Variants in NTRK3 observed in about 807,000 individuals in gnomAD.
The protein encoded by NTRK3 is neurotrophic receptor tyrosine kinase 3.
Under a neutral mutation model 91.7 loss-of-function variants are expected in NTRK3, and 24 were observed. That is an observed-to-expected ratio of 0.26 (90% CI 0.19 to 0.37). NTRK3 has a LOEUF of 0.37. NTRK3 is among the 10% of genes least tolerant of loss of function. The pLI, the probability that NTRK3 is intolerant of heterozygous loss-of-function variation, is 1.00. For missense variants in NTRK3, 880 were observed against 1,068.9 expected (o/e 0.82, Z 2.46); for synonymous variants, 483 against 404.0 (o/e 1.20, Z -2.34).
chr15:88,057,848 G>C (rs564472709), intron 13 of NTRK3, among the ~76,000 whole-genome samples: 1 of 152,364 alleles, frequency 6.6e-6, no homozygotes, highest in East Asian at 1.9e-4. Context: ...TTCTGAGGGA[G>C]GCGGATTGCC....
chr15:87,961,693 G>T (rs541467047), intron 14 of NTRK3, among the ~76,000 whole-genome samples: 1 of 152,226 alleles, frequency 6.6e-6, no homozygotes, highest in Admixed American at 6.5e-5. Flanking sequence ...CTGAGCTGCA[G>T]CAGGTCCTGC....
chr15:88,081,617 G>A (rs1402153879), intron 13 of NTRK3, among the ~76,000 whole-genome samples: 1 of 152,222 alleles, frequency 6.6e-6, no homozygotes, highest in Non-Finnish European at 1.5e-5. Flanking sequence ...GAAAGGGTAG[G>A]AGGCAAGGGC....
At chr15:87,895,217 CAG>C (rs1461035048) in intron 17 of NTRK3, among the ~76,000 whole-genome samples, 2 of 152,158 alleles carry the variant, frequency 1.3e-5, no homozygotes, top group Non-Finnish European at 2.9e-5. Context: ...GTAAATGAAA[CAG>C]AACTGAAGTC....
chr15:88,071,079 C>G (rs765461419), intron 13 of NTRK3, among the ~76,000 whole-genome samples: 2 of 152,314 alleles, frequency 1.3e-5, no homozygotes, highest in East Asian at 3.9e-4. Flanking sequence ...TTCTTCATGT[C>G]CTAACTCATC....
chr15:88,172,006 CCT>C (rs1193890683), intron 5 of NTRK3, among the ~76,000 whole-genome samples: 1 of 152,196 alleles, frequency 6.6e-6, no homozygotes, highest in Non-Finnish European at 1.5e-5. Flanking sequence ...CTTGGGAGAC[CCT>C]GTCTGCAGTT....
At chr15:87,862,154 C>T in exon 19 of NTRK3, 1 of 219,800 alleles carries the variant, frequency 4.5e-6, no homozygotes, top group Non-Finnish European at 9.1e-6. Context: ...TCTAGAGAAT[C>T]TTGTGCCATG....
intron 5 of NTRK3, among the ~76,000 whole-genome samples, chr15:88,182,922 G>T (rs2046616457): frequency 6.6e-6 from 1 of 152,076 alleles, no homozygotes; most frequent in South Asian, 2.1e-4. Flanking sequence ...CATTACACAG[G>T]TGTTTCCACT....
At chr15:88,143,537 T>C (rs1216574920) in intron 6 of NTRK3, among the ~76,000 whole-genome samples, 1 of 152,232 alleles carries the variant, frequency 6.6e-6, no homozygotes. Flanking sequence ...AGCTAATAAC[T>C]TAACTCTCTA....
chr15:88,114,310 C>T (rs1235263307), intron 13 of NTRK3, among the ~76,000 whole-genome samples: 2 of 152,110 alleles, frequency 1.3e-5, no homozygotes, highest in African/African-American at 4.8e-5. Context: ...TAAAAAAATC[C>T]CAAATCCCAC....
chr15:88,034,415 C>T (rs1303082426), intron 13 of NTRK3, among the ~76,000 whole-genome samples: 1 of 152,208 alleles, frequency 6.6e-6, no homozygotes, highest in Non-Finnish European at 1.5e-5. Flanking sequence ...ATTAACGCTG[C>T]AGTCTTGGTA....
chr15:88,226,134 C>G (rs2050654981), intron 3 of NTRK3, among the ~76,000 whole-genome samples: 1 of 152,198 alleles, frequency 6.6e-6, no homozygotes, highest in Admixed American at 6.5e-5. Flanking sequence ...CCTCAGTTTC[C>G]TCATCTGTAG....
chr15:88,140,796 C>T (rs1156922655), intron 6 of NTRK3, among the ~76,000 whole-genome samples: 3 of 152,140 alleles, frequency 2.0e-5, no homozygotes, highest in Admixed American at 1.3e-4. Context: ...TCTTAGGGCC[C>T]CCCCAGGACA....
intron 13 of NTRK3, among the ~76,000 whole-genome samples, chr15:88,041,083 G>A (rs1013675367): frequency 6.6e-6 from 1 of 152,182 alleles, no homozygotes; most frequent in African/African-American, 2.4e-5. Flanking sequence ...CAAACAAAGA[G>A]TGCTTGGTGT....
intron 3 of NTRK3, among the ~76,000 whole-genome samples, chr15:88,186,016 T>C (rs2046915413): frequency 6.6e-6 from 1 of 152,118 alleles, no homozygotes; most frequent in Non-Finnish European, 1.5e-5. Context: ...CCCAGGGCAG[T>C]TTGGGTGGTC....
chr15:88,024,183 G>A (rs537523813), intron 14 of NTRK3, among the ~76,000 whole-genome samples: 1 of 152,336 alleles, frequency 6.6e-6, no homozygotes, highest in African/African-American at 2.4e-5. Flanking sequence ...GAGGAGATAA[G>A]CCGCTTGCAC....
chr15:88,041,767 T>C (rs921752242), intron 13 of NTRK3, among the ~76,000 whole-genome samples: 2 of 148,318 alleles, frequency 1.3e-5, no homozygotes, highest in Admixed American at 1.4e-4. Flanking sequence ...AATTTCTTCA[T>C]TCAGACACTT....
chr15:88,033,176 T>TCATATATATATATA lies in NTRK3; in HGVS notation c.1397-132_1397-131insTATATATATATATG, dbSNP rs1491166187. 382 of 195,996 alleles carry TCATATATATATATA rather than the reference T, an allele frequency of 1.9e-3. 23 individuals are homozygous for TCATATATATATATA. The highest frequency in any genetic ancestry group is 2.6e-3 in the Non-Finnish European group (291 of 113,502). 12.1% of individuals were successfully genotyped at this position (195,996 alleles called of 1,614,324 possible). The stretch of plus-strand genomic sequence containing the variant: ...CTTTTTTTTACTTTTGGGGGGTGTG[T>TCATATATATATATA]TATATATATATATATATATATATAT... On this transcript the variant is annotated intron_variant, in intron 13 of 18. Transcript: ENST00000394480.
At chr15:88,212,203 T>A (rs922189499) in intron 3 of NTRK3, among the ~76,000 whole-genome samples, 1 of 151,772 alleles carries the variant, frequency 6.6e-6, no homozygotes, top group Non-Finnish European at 1.5e-5. Flanking sequence ...CCCGTCTCTA[T>A]TAAAAATACA....
intron 14 of NTRK3, among the ~76,000 whole-genome samples, chr15:87,941,205 C>T (rs537677997): frequency 1.3e-5 from 2 of 152,120 alleles, no homozygotes; most frequent in East Asian, 1.9e-4. Flanking sequence ...GTTGGTCATA[C>T]TTTGAAAAGC....
Sources: gnomAD v4.1 joint callset for allele counts (sites outside exome capture counted in the v4.1 genomes callset) on GRCh38, gnomAD v4.1.1 for gene constraint, MANE v1.5 for transcripts, NCBI Gene and HGNC (gene_info 2026-07-23, HGNC 2026-07-21) for gene names.